The following IMMP2L variants were observed in gnomAD, a reference collection of about 807,000 sequenced individuals.
IMMP2L encodes inner mitochondrial membrane peptidase subunit 2, also known as mitochondrial inner membrane protease subunit 2.
IMMP2L carries 18 observed loss-of-function variants against 19.3 expected under a neutral mutation model. That is an observed-to-expected ratio of 0.93 (90% CI 0.64 to 1.38). The LOEUF is 1.38. IMMP2L is among the 40% of genes most tolerant of loss of function. IMMP2L has a pLI of 0.00. For missense variants in IMMP2L, 233 were observed against 218.2 expected (o/e 1.07, Z -0.43); for synonymous variants, 76 against 73.0 (o/e 1.04, Z -0.21).
chr7:111,312,845 T>C (rs1013153420), intron 3 of IMMP2L, among the ~76,000 whole-genome samples: 4 of 152,108 alleles, frequency 2.6e-5, no homozygotes, highest in African/African-American at 9.7e-5. Flanking sequence ...CTCCTGGTTA[T>C]TGTTCACTAA....
In IMMP2L at chr7:111,487,356, G is replaced by C. The variant is rs769868591; in HGVS notation, c.136-15C>G. On this transcript the variant is annotated splice_polypyrimidine_tract_variant and intron_variant, in intron 2 of 5. Coordinates refer to ENST00000405709, the MANE Select transcript of IMMP2L (RefSeq NM_032549.4). ...TTCAAAGAAGGCTAGAAAATAAGGAGAAAGAGACACTTCTATCATTTGTAT... is the reference window on the plus strand; with the variant it reads ...TTCAAAGAAGGCTAGAAAATAAGGACAAAGAGACACTTCTATCATTTGTAT... 1 of 1,391,654 alleles carries C rather than the reference G, an allele frequency of 7.2e-7. No homozygotes were observed. Among genetic ancestry groups the C allele is most frequent in the South Asian group, 1.2e-5 (1 of 86,472 alleles). The allele number at this position is 1,391,654 out of a possible 1,614,324, so 86.2% of individuals were successfully genotyped here. A position where few individuals can be genotyped will look rare whatever the true frequency, so the allele number is the denominator to read the frequency against.
chr7:110,887,386 G>A (rs1009178394), intron 4 of IMMP2L, among the ~76,000 whole-genome samples: 6 of 150,876 alleles, frequency 4.0e-5, no homozygotes, highest in African/African-American at 1.2e-4. Flanking sequence ...GCTATCTCAC[G>A]CAGTTTTTGT....
At chr7:111,477,861 G>A (rs1223394501) in intron 3 of IMMP2L, among the ~76,000 whole-genome samples, 1 of 151,952 alleles carries the variant, frequency 6.6e-6, no homozygotes, top group Non-Finnish European at 1.5e-5. Context: ...TCATGCTATT[G>A]CACTCCAGCC....
intron 3 of IMMP2L, among the ~76,000 whole-genome samples, chr7:110,996,126 T>C (rs776282672): frequency 3.3e-5 from 5 of 152,134 alleles, no homozygotes; most frequent in East Asian, 1.9e-4. Context: ...TAGACAAGTA[T>C]GCAATTGCAC....
At chr7:111,314,021 C>T (rs1823789459) in intron 3 of IMMP2L, among the ~76,000 whole-genome samples, 1 of 152,106 alleles carries the variant, frequency 6.6e-6, no homozygotes, top group Admixed American at 6.6e-5. Flanking sequence ...GTGTGAAGTG[C>T]CTGTTCCCGC....
At chr7:110,670,697 A>AC (rs1378657360) in intron 5 of IMMP2L, among the ~76,000 whole-genome samples, 2 of 151,276 alleles carry the variant, frequency 1.3e-5, no homozygotes, top group South Asian at 2.1e-4. Flanking sequence ...CTCAAAAAAA[A>AC]AAAAAAACAA....
intron 3 of IMMP2L, among the ~76,000 whole-genome samples, chr7:111,182,308 A>G (rs1421692290): frequency 1.3e-5 from 2 of 151,960 alleles, no homozygotes; most frequent in Non-Finnish European, 2.9e-5. Flanking sequence ...TCTAGTTTCT[A>G]TTACCTTCAG....
intron 5 of IMMP2L, among the ~76,000 whole-genome samples, chr7:110,826,707 G>C (rs1803531027): frequency 1.3e-5 from 2 of 151,966 alleles, no homozygotes; most frequent in Non-Finnish European, 2.9e-5. Flanking sequence ...GGAGTGGGGA[G>C]GGATAGCATT....
chr7:110,750,476 A>G (rs1797651759), intron 5 of IMMP2L, among the ~76,000 whole-genome samples: 1 of 152,152 alleles, frequency 6.6e-6, no homozygotes, highest in Admixed American at 6.6e-5. Flanking sequence ...GTATATTTAA[A>G]TAAAATTGTT....
intron 3 of IMMP2L, among the ~76,000 whole-genome samples, chr7:111,220,858 A>G (rs1812438470): frequency 6.6e-6 from 1 of 151,982 alleles, no homozygotes; most frequent in South Asian, 2.1e-4. Flanking sequence ...CGAGGGCAAG[A>G]GATGAGTGCT....
chr7:111,363,862 G>T (rs11976734), intron 3 of IMMP2L, among the ~76,000 whole-genome samples: 3,269 of 151,998 alleles, frequency 0.022, 121 homozygotes, highest in African/African-American at 0.075. Flanking sequence ...TACACACCAC[G>T]TGGTTTTATG....
intron 4 of IMMP2L, among the ~76,000 whole-genome samples, chr7:110,888,628 A>G (rs1449153953): frequency 6.6e-6 from 1 of 152,176 alleles, no homozygotes; most frequent in African/African-American, 2.4e-5. Flanking sequence ...GATACTTGTG[A>G]TAGAAAGCAA....
chr7:110,936,989 T>C (rs1322033873), intron 4 of IMMP2L, among the ~76,000 whole-genome samples: 3 of 151,786 alleles, frequency 2.0e-5, no homozygotes, highest in Non-Finnish European at 4.4e-5. Flanking sequence ...TACTCATAAG[T>C]GGGAGTTGAA....
chr7:111,400,056 AC>A (rs765414513), intron 3 of IMMP2L, among the ~76,000 whole-genome samples: 36 of 152,158 alleles, frequency 2.4e-4, no homozygotes, highest in Non-Finnish European at 4.0e-4. Context: ...TGAATGTGAT[AC>A]CTCTCCTGTG....
intron 3 of IMMP2L, among the ~76,000 whole-genome samples, chr7:111,422,379 C>T (rs1470082291): frequency 6.6e-6 from 1 of 151,766 alleles, no homozygotes; most frequent in African/African-American, 2.4e-5. Flanking sequence ...CCACTTGTTT[C>T]TGTCCTCTTC....
At chr7:111,446,355 G>T (rs1246094524) in intron 3 of IMMP2L, among the ~76,000 whole-genome samples, 1 of 142,308 alleles carries the variant, frequency 7.0e-6, no homozygotes, top group Admixed American at 6.8e-5. Flanking sequence ...CACAGCTGGA[G>T]ATCTGAGAAC....
chr7:111,353,690 T>C (rs988470506), intron 3 of IMMP2L, among the ~76,000 whole-genome samples: 2 of 152,166 alleles, frequency 1.3e-5, no homozygotes, highest in Admixed American at 6.6e-5. Context: ...GGAAAAGGGC[T>C]ATGGGTATTG....
intron 3 of IMMP2L, among the ~76,000 whole-genome samples, chr7:110,964,636 A>C (rs575729338): frequency 6.6e-6 from 1 of 152,030 alleles, no homozygotes; most frequent in Non-Finnish European, 1.5e-5. Context: ...TATCCTATGC[A>C]GTTCCTTTCC....
intron 3 of IMMP2L, among the ~76,000 whole-genome samples, chr7:111,113,795 T>C (rs1050146485): frequency 6.6e-6 from 1 of 152,168 alleles, no homozygotes; most frequent in Non-Finnish European, 1.5e-5. Context: ...TTTCCAAATC[T>C]AGTTGGAAAT....
Sources: gnomAD v4.1 joint callset for allele counts (sites outside exome capture counted in the v4.1 genomes callset) on GRCh38, gnomAD v4.1.1 for gene constraint, MANE v1.5 for transcripts, NCBI Gene and HGNC (gene_info 2026-07-23, HGNC 2026-07-21) for gene names.